NEK10: variants seen among roughly 807,000 people sequenced by gnomAD.
The protein encoded by NEK10 is NIMA related kinase 10, also known as serine/threonine-protein kinase Nek10.
In NEK10, 122 loss-of-function variants were observed where a neutral mutation model predicts 159.8. That is an observed-to-expected ratio of 0.76 (90% CI 0.66 to 0.89). The LOEUF (loss-of-function observed/expected upper bound fraction) is 0.89, where lower values mean the gene tolerates loss of function less well. Among genes scored for constraint, NEK10 ranks in the 40% least tolerant of loss-of-function variants. NEK10 has a pLI of 0.00. For missense variants in NEK10, 1,342 were observed against 1,323.1 expected (o/e 1.01, Z -0.22); for synonymous variants, 466 against 457.1 (o/e 1.02, Z -0.25).
rs1286240596 is a variant in NEK10, at chr3:27,301,961, C to T, written c.1029-126G>A. The T allele has an allele frequency of 9.9e-6, 7 of 706,060 alleles. 1 individual carries two copies. Among genetic ancestry groups the T allele is most frequent in the African/African-American group, 1.8e-5 (1 of 55,922 alleles). 43.7% of individuals were successfully genotyped at this position (706,060 alleles called of 1,614,324 possible). ...GAAGGCATCATTATTGTTTCACTTT[C>T]CAATCCACCTGGAATTGATTTTTGT... On this transcript the variant is annotated intron_variant, in intron 12 of 35. Transcript: ENST00000691995.
At chr3:27,245,039 T>A (rs193146059) in intron 23 of NEK10, among the ~76,000 whole-genome samples, 1 of 152,328 alleles carries the variant, frequency 6.6e-6, no homozygotes, top group Admixed American at 6.5e-5. Context: ...GTAGTTTTCT[T>A]ACATCTTATA....
At chr3:27,327,550 G>T (rs1559507284) in intron 5 of NEK10, among the ~76,000 whole-genome samples, 1 of 152,168 alleles carries the variant, frequency 6.6e-6, no homozygotes, top group African/African-American at 2.4e-5. Flanking sequence ...TATTTGAAAA[G>T]GGAAAGAGTA....
At chr3:27,310,796 T>C (rs1209506109) in intron 9 of NEK10, 153 bp downstream of exon 9, 11 of 502,812 alleles carry the variant, frequency 2.2e-5, no homozygotes, top group Non-Finnish European at 3.9e-5. Context: ...GTAAAGAATA[T>C]AAAAGGGTTG....
chr3:27,124,752 G>A (rs1941745179), intron 32 of NEK10, among the ~76,000 whole-genome samples: 1 of 152,190 alleles, frequency 6.6e-6, no homozygotes, highest in South Asian at 2.1e-4. Context: ...AGGAAGGGAG[G>A]AGAAGGTGGT....
chr3:27,143,583 C>A, intron 30 of NEK10: 1 of 571,746 alleles, frequency 1.7e-6, no homozygotes, highest in Non-Finnish European at 3.1e-6. Flanking sequence ...TGACCACTAC[C>A]CTCACAATCC....
At chr3:27,202,918 T>G (rs1414797751) in intron 23 of NEK10, among the ~76,000 whole-genome samples, 1 of 152,174 alleles carries the variant, frequency 6.6e-6, no homozygotes, top group Non-Finnish European at 1.5e-5. Context: ...TAGCCTCTTC[T>G]GGGCAGTGCT....
At position 27,301,744 on chromosome 3, in the gene NEK10, C is replaced by T; in HGVS notation, c.1120G>A (p.Asp374Asn). The change falls in exon 13 of 36, where the codon GAC (aspartate) becomes AAC (asparagine). Residue 374 changes from aspartate to asparagine, a missense_variant. Physicochemically the swap from Asp to Asn is conservative, Grantham distance 23. Transcript: ENST00000691995. ...TCTTGTATTTCCCTAGGGCTCAAGT[C>T]TTCTGATAAATGAAGCTGCTGGATT... is the stretch of plus-strand genomic sequence containing the variant. The part of the protein sequence containing the change: ...GRIQQLHLSE[D>N]LSPREIQENT... 2 of 1,577,774 alleles carry T rather than the reference C, an allele frequency of 1.3e-6. No individual in the cohort carries two copies. The highest frequency in any genetic ancestry group is 1.7e-4 in the Middle Eastern group (1 of 6,022).
chr3:27,238,376 G>T (rs544087878), intron 23 of NEK10, among the ~76,000 whole-genome samples: 1 of 152,114 alleles, frequency 6.6e-6, no homozygotes, highest in Admixed American at 6.5e-5. Flanking sequence ...TCCATTTCTG[G>T]GTTAGTAGGA....
intron 22 of NEK10, among the ~76,000 whole-genome samples, chr3:27,264,458 T>G (rs2040707226): frequency 6.6e-6 from 1 of 152,224 alleles, no homozygotes; most frequent in South Asian, 2.1e-4. Flanking sequence ...AAGTGGGGTT[T>G]ATGCCAGGAA....
intron 3 of NEK10, among the ~76,000 whole-genome samples, chr3:27,351,304 G>A (rs1450668846): frequency 6.6e-6 from 1 of 152,138 alleles, no homozygotes; most frequent in Non-Finnish European, 1.5e-5. Flanking sequence ...TGTATGCCTA[G>A]CCATCTTGTT....
chr3:27,109,095 A>T lies in NEK10; in HGVS notation c.*2177T>A, dbSNP rs2125383226. On this transcript the variant is annotated 3_prime_UTR_variant, in exon 36 of 36. Transcript: ENST00000691995. Reference sequence around the variant, plus strand: ...CTATCACCTAAAAGAGTTACATGCAATGGCTGGGCACAGTGGCTCACGCCT... The same window carrying T: ...CTATCACCTAAAAGAGTTACATGCATTGGCTGGGCACAGTGGCTCACGCCT... Among the ~76,000 whole-genome samples, 1 of 152,314 alleles carries T rather than the reference A, an allele frequency of 6.6e-6. No individual in the cohort carries two copies. The highest frequency in any genetic ancestry group is 2.4e-5 in the African/African-American group (1 of 41,594).
At chr3:27,169,812 C>T (rs1946792604) in intron 29 of NEK10, among the ~76,000 whole-genome samples, 1 of 152,152 alleles carries the variant, frequency 6.6e-6, no homozygotes, top group Non-Finnish European at 1.5e-5. Flanking sequence ...GCAAGCACCC[C>T]TGATGGACTA....
At chr3:27,211,652 C>G (rs1951017991) in intron 23 of NEK10, among the ~76,000 whole-genome samples, 1 of 152,138 alleles carries the variant, frequency 6.6e-6, no homozygotes, top group Non-Finnish European at 1.5e-5. Flanking sequence ...ATCTTTGCCC[C>G]TAGTTCATGG....
chr3:27,312,014 A>C (rs777112497), intron 8 of NEK10, 85 bp downstream of exon 8: 1 of 845,130 alleles, frequency 1.2e-6, no homozygotes, highest in African/African-American at 1.7e-5. Context: ...AAATATTTAA[A>C]GTATCCTTGT....
intron 26 of NEK10, among the ~76,000 whole-genome samples, chr3:27,179,218 T>G (rs564386088): frequency 6.6e-6 from 1 of 152,176 alleles, no homozygotes; most frequent in Non-Finnish European, 1.5e-5. Context: ...AAATAACTAA[T>G]TTATATGGAT....
chr3:27,304,607 T>G, intron 12 of NEK10, 140 bp downstream of exon 12: 1 of 638,652 alleles, frequency 1.6e-6, no homozygotes, highest in South Asian at 1.9e-5. Flanking sequence ...CAAGTCTAGA[T>G]GACTTTGGAA....
chr3:27,121,587 G>A (rs890603233), intron 32 of NEK10, among the ~76,000 whole-genome samples: 5 of 152,150 alleles, frequency 3.3e-5, no homozygotes, highest in African/African-American at 9.7e-5. Flanking sequence ...GCTGCCACCC[G>A]TGTAAGATGT....
At chr3:27,313,995 AGCCACCGCACCTGGCT>A (rs747997281) in intron 7 of NEK10, among the ~76,000 whole-genome samples, 1 of 152,144 alleles carries the variant, frequency 6.6e-6, no homozygotes, top group Non-Finnish European at 1.5e-5. Flanking sequence ...TACAGGTGTG[AGCCACCGCACCTGGCT>A]GCCTATTTCT....
chr3:27,367,357 A>G (rs1176450866), intron 1 of NEK10, among the ~76,000 whole-genome samples: 2 of 152,206 alleles, frequency 1.3e-5, no homozygotes, highest in Non-Finnish European at 2.9e-5. Flanking sequence ...ACCATGCTGT[A>G]CTGTCTCTCT....
Sources: allele counts gnomAD v4.1 joint callset (sites outside exome capture counted in the v4.1 genomes callset), GRCh38; gene constraint gnomAD v4.1.1; transcripts MANE v1.5; gene names NCBI Gene and HGNC (gene_info 2026-07-23, HGNC 2026-07-21).